The following TSHZ3 variants were observed in gnomAD, a reference collection of about 807,000 sequenced individuals.
The protein encoded by TSHZ3 is teashirt homolog 3.
Under a neutral mutation model 64.5 loss-of-function variants are expected in TSHZ3, and 10 were observed. That is an observed-to-expected ratio of 0.16 (90% confidence interval 0.10 to 0.26). The LOEUF (loss-of-function observed/expected upper bound fraction) is 0.26. Among genes scored for constraint, TSHZ3 ranks in the 10% least tolerant of loss-of-function variants. TSHZ3 has a pLI of 1.00. For missense variants in TSHZ3, 1,242 were observed against 1,421.7 expected (o/e 0.87, Z 2.03); for synonymous variants, 608 against 593.1 (o/e 1.03, Z -0.36).
intron 4 of TSHZ3, among the ~76,000 whole-genome samples, chr19:31,216,878 G>A (rs968910450): frequency 2.0e-5 from 3 of 151,654 alleles, no homozygotes; most frequent in African/African-American, 4.8e-5. Context: ...GGATGGTCTC[G>A]ATCTCCTGAC....
At chr19:31,281,342 C>T (rs1976358346) in intron 1 of TSHZ3, among the ~76,000 whole-genome samples, 1 of 152,118 alleles carries the variant, frequency 6.6e-6, no homozygotes, top group Non-Finnish European at 1.5e-5. Flanking sequence ...TCCTAAGCCC[C>T]CTACTTTGAG....
intron 1 of TSHZ3, among the ~76,000 whole-genome samples, chr19:31,246,944 G>A (rs979554603): frequency 6.6e-6 from 1 of 151,622 alleles, no homozygotes; most frequent in Non-Finnish European, 1.5e-5. Flanking sequence ...CCAAATATGA[G>A]GCAAATTTAG....
intron 1 of TSHZ3, among the ~76,000 whole-genome samples, chr19:31,340,738 C>T (rs1003420211): frequency 7.9e-5 from 12 of 152,322 alleles, no homozygotes; most frequent in African/African-American, 2.9e-4. Context: ...AGGTTTGCAG[C>T]CCAGGCCCAG....
intron 1 of TSHZ3, among the ~76,000 whole-genome samples, chr19:31,290,100 G>A (rs1044035470): frequency 7.9e-5 from 12 of 152,150 alleles, no homozygotes; most frequent in African/African-American, 2.9e-4. Context: ...AGCTGTGTCT[G>A]ACGCCACCCG....
At chr19:31,298,088 C>T (rs1196656670) in intron 1 of TSHZ3, among the ~76,000 whole-genome samples, 1 of 152,132 alleles carries the variant, frequency 6.6e-6, no homozygotes, top group Non-Finnish European at 1.5e-5. Context: ...GAGGTGCTCA[C>T]GGACCTGTGA....
intron 1 of TSHZ3, among the ~76,000 whole-genome samples, chr19:31,317,352 G>A (rs922688994): frequency 1.3e-5 from 2 of 152,194 alleles, no homozygotes; most frequent in Admixed American, 6.5e-5. Context: ...CAGCCACATC[G>A]GGACGATGGG....
chr19:31,196,892 G>A (rs1338247968), intron 5 of TSHZ3, among the ~76,000 whole-genome samples: 1 of 151,866 alleles, frequency 6.6e-6, no homozygotes, highest in African/African-American at 2.4e-5. Context: ...TATCATGAAC[G>A]AACAGACCTA....
chr19:31,254,276 G>A (rs1035347042), intron 1 of TSHZ3, among the ~76,000 whole-genome samples: 2 of 152,190 alleles, frequency 1.3e-5, no homozygotes, highest in Non-Finnish European at 2.9e-5. Context: ...GGGATGCTGG[G>A]TACCCTGGGT....
chr19:31,253,435 TC>T (rs1299937160), intron 1 of TSHZ3, among the ~76,000 whole-genome samples: 1 of 152,154 alleles, frequency 6.6e-6, no homozygotes, highest in Non-Finnish European at 1.5e-5. Flanking sequence ...CAAAGTTGCA[TC>T]TCAACTGTGT....
intron 5 of TSHZ3, among the ~76,000 whole-genome samples, chr19:31,166,151 G>A (rs1048547672): frequency 3.3e-5 from 5 of 152,206 alleles, no homozygotes; most frequent in Non-Finnish European, 5.9e-5. Context: ...GACAGTGCTC[G>A]GGGCTGGGAG....
intron 1 of TSHZ3, among the ~76,000 whole-genome samples, chr19:31,329,575 G>A (rs950877193): frequency 1.3e-5 from 2 of 152,206 alleles, no homozygotes; most frequent in Non-Finnish European, 2.9e-5. Context: ...CAGACTCACA[G>A]CAATAAAATA....
chr19:31,333,146 A>AATC (rs1568384344), intron 1 of TSHZ3, among the ~76,000 whole-genome samples: 24 of 130,860 alleles, frequency 1.8e-4, no homozygotes, highest in African/African-American at 6.0e-4. Flanking sequence ...ATAAATAAAT[A>AATC]AATAAATCCA....
intron 5 of TSHZ3, among the ~76,000 whole-genome samples, chr19:31,166,024 A>G (rs958802889): frequency 6.6e-6 from 1 of 152,242 alleles, no homozygotes; most frequent in Non-Finnish European, 1.5e-5. Context: ...TGTTACCCCA[A>G]GGAAGGCAAG....
At chr19:31,191,148 T>C (rs1974899681) in intron 5 of TSHZ3, among the ~76,000 whole-genome samples, 1 of 152,162 alleles carries the variant, frequency 6.6e-6, no homozygotes, top group Admixed American at 6.5e-5. Context: ...GACTAAAATA[T>C]TGCTGAACTT....
chr19:31,329,311 T>G (rs954345740), intron 1 of TSHZ3, among the ~76,000 whole-genome samples: 1 of 152,208 alleles, frequency 6.6e-6, no homozygotes, highest in African/African-American at 2.4e-5. Context: ...ACTACTGAAA[T>G]GAAGGTGTCA....
rs117266088 is a variant in TSHZ3, at chr19:31,168,815, C to T, written n.810-12398G>A. ...GACCTGGGCCAGCTGGTCTTGAGCC[C>T]CGTAGGACGTAGTCTGTGGCCTGCT... On this transcript the variant is annotated intron_variant and non_coding_transcript_variant, in intron 5 of 6. Coordinates refer to the TSHZ3 transcript ENST00000651361. 9.9e-5 allele frequency among the ~76,000 whole-genome samples: 15 copies of T among 152,210 alleles called. No individual in the cohort carries two copies. The East Asian group carries it at 2.9e-3, about 29-fold the overall frequency.
intron 4 of TSHZ3, among the ~76,000 whole-genome samples, chr19:31,209,715 G>A (rs980042523): frequency 2.0e-5 from 3 of 152,196 alleles, no homozygotes; most frequent in Non-Finnish European, 4.4e-5. Context: ...GGTGGGAGCT[G>A]AGCCCTGACA....
intron 1 of TSHZ3, among the ~76,000 whole-genome samples, chr19:31,343,071 T>C (rs1450384118): frequency 6.6e-6 from 1 of 152,212 alleles, no homozygotes; most frequent in Admixed American, 6.5e-5. Context: ...CTTTATTCTC[T>C]TAGCGAGGTG....
chr19:31,204,075 A>G (rs955926076), intron 5 of TSHZ3, among the ~76,000 whole-genome samples: 5 of 152,092 alleles, frequency 3.3e-5, no homozygotes, highest in Non-Finnish European at 7.3e-5. Flanking sequence ...AAACCGTCAG[A>G]TCTCCTGAGA....
Sources: gnomAD v4.1 joint callset for allele counts (sites outside exome capture counted in the v4.1 genomes callset) on GRCh38, gnomAD v4.1.1 for gene constraint, MANE v1.5 for transcripts, NCBI Gene and HGNC (gene_info 2026-07-23, HGNC 2026-07-21) for gene names.